The following MTSS1 variants were observed in gnomAD, a reference collection of about 807,000 sequenced individuals.
MTSS1 encodes MTSS I-BAR domain containing 1.
Under a neutral mutation model 79.0 loss-of-function variants are expected in MTSS1, and 18 were observed. That is an observed-to-expected ratio of 0.23 (90% CI 0.16 to 0.34). The LOEUF (loss-of-function observed/expected upper bound fraction) is 0.34, where lower values mean the gene tolerates loss of function less well. Ranked by LOEUF, MTSS1 falls within the 10% of genes least tolerant of loss-of-function variation. MTSS1 has a pLI of 1.00. For synonymous variants in MTSS1, 341 were observed against 368.6 expected, an observed-to-expected ratio of 0.93 and a Z score of 0.86; for missense variants, 815 against 986.2, an observed-to-expected ratio of 0.83 and a Z score of 2.33.
At chr8:124,669,744 G>A (rs1308990148) in intron 3 of MTSS1, among the ~76,000 whole-genome samples, 1 of 152,118 alleles carries the variant, frequency 6.6e-6, no homozygotes, top group Non-Finnish European at 1.5e-5. Context: ...GGTTTCATTT[G>A]GCTAAGCAAA....
chr8:124,711,393 G>C (rs1164126923), intron 1 of MTSS1, among the ~76,000 whole-genome samples: 2 of 152,230 alleles, frequency 1.3e-5, no homozygotes, highest in African/African-American at 4.8e-5. Flanking sequence ...GATGCCCAGA[G>C]AGGTTGGAGC....
chr8:124,685,501 C>T (rs1381631413), intron 3 of MTSS1, among the ~76,000 whole-genome samples: 1 of 152,158 alleles, frequency 6.6e-6, no homozygotes, highest in Middle Eastern at 3.2e-3. Flanking sequence ...TCCTAAGCCC[C>T]TCAAGGAGGA....
chr8:124,698,137 T>C (rs574741641), intron 3 of MTSS1: 1 of 152,368 alleles, frequency 6.6e-6, no homozygotes, highest in East Asian at 1.9e-4. Flanking sequence ...GGTCCCATGA[T>C]AGTGCCTGAA....
At chr8:124,663,512 C>G (rs1822484646) in intron 3 of MTSS1, among the ~76,000 whole-genome samples, 1 of 151,964 alleles carries the variant, frequency 6.6e-6, no homozygotes. Flanking sequence ...CCCGCCCAAT[C>G]CATGCTCCCA....
At chr8:124,591,093 T>C (rs552304577) in intron 4 of MTSS1, 58 bp downstream of exon 4, 1 of 1,426,504 alleles carries the variant, frequency 7.0e-7, no homozygotes, top group Non-Finnish European at 9.9e-7. Context: ...ACATGACTGC[T>C]TCCTTAACCT....
chr8:124,671,405 T>C (rs920894815), intron 3 of MTSS1, among the ~76,000 whole-genome samples: 2 of 152,104 alleles, frequency 1.3e-5, no homozygotes, highest in African/African-American at 4.8e-5. Flanking sequence ...CCTCCCTCTT[T>C]CCACCCACTT....
intron 3 of MTSS1, among the ~76,000 whole-genome samples, chr8:124,694,325 A>G (rs1828453480): frequency 6.6e-6 from 1 of 151,878 alleles, no homozygotes; most frequent in Non-Finnish European, 1.5e-5. Flanking sequence ...TGTGACTCTC[A>G]TTTTCATCTG....
intron 3 of MTSS1, among the ~76,000 whole-genome samples, chr8:124,625,507 C>A (rs1015623359): frequency 6.6e-6 from 1 of 152,180 alleles, no homozygotes; most frequent in African/African-American, 2.4e-5. Context: ...GACAGACCAG[C>A]ATTTTCGGAC....
At chr8:124,642,899 G>A (rs1211156188) in intron 3 of MTSS1, among the ~76,000 whole-genome samples, 1 of 151,984 alleles carries the variant, frequency 6.6e-6, no homozygotes, top group Non-Finnish European at 1.5e-5. Context: ...GGCTCTTCTG[G>A]GTTCTTAAGC....
chr8:124,619,929 C>CTGTTTT (rs1480499162), intron 3 of MTSS1, among the ~76,000 whole-genome samples: 21 of 133,370 alleles, frequency 1.6e-4, no homozygotes, highest in African/African-American at 7.3e-4. Flanking sequence ...TACAGCACAA[C>CTGTTTT]TGTTTTTCTT....
chr8:124,689,520 CG>C (rs1425521828), intron 3 of MTSS1, among the ~76,000 whole-genome samples: 2 of 151,434 alleles, frequency 1.3e-5, no homozygotes, highest in Non-Finnish European at 2.9e-5. Context: ...CTGAGGCAGG[CG>C]GATCACCTGA....
chr8:124,577,655 A>AT (rs765103684), intron 6 of MTSS1: 1 of 518,238 alleles, frequency 1.9e-6, no homozygotes, highest in Non-Finnish European at 3.9e-6. Context: ...ACCCAGACAG[A>AT]AGGGGTCTGG....
At chr8:124,609,396 A>G (rs909696053) in intron 3 of MTSS1, among the ~76,000 whole-genome samples, 6 of 152,260 alleles carry the variant, frequency 3.9e-5, no homozygotes, top group African/African-American at 1.4e-4. Context: ...GTGGCTCGAC[A>G]GCAGAAGAGT....
intron 3 of MTSS1, among the ~76,000 whole-genome samples, chr8:124,681,473 A>C (rs1332122449): frequency 1.3e-5 from 2 of 152,222 alleles, no homozygotes; most frequent in African/African-American, 4.8e-5. Context: ...TGTTTAGTTT[A>C]AATCAACAGT....
At chr8:124,696,058 G>A (rs1312302747) in intron 3 of MTSS1, among the ~76,000 whole-genome samples, 1 of 151,988 alleles carries the variant, frequency 6.6e-6, no homozygotes, top group African/African-American at 2.4e-5. Flanking sequence ...CGCAATCTCA[G>A]CTCACTGCAA....
intron 1 of MTSS1, among the ~76,000 whole-genome samples, chr8:124,710,717 C>T (rs759690442): frequency 2.0e-5 from 3 of 152,204 alleles, no homozygotes; most frequent in African/African-American, 4.8e-5. Context: ...GGCTGGTGAC[C>T]GGTGCTCCAT....
intron 6 of MTSS1, among the ~76,000 whole-genome samples, chr8:124,581,529 C>T (rs1016071836): frequency 3.3e-5 from 5 of 151,300 alleles, no homozygotes; most frequent in Non-Finnish European, 7.4e-5. Context: ...AATCTTGGCT[C>T]ATTGCAACCT....
intron 3 of MTSS1, among the ~76,000 whole-genome samples, chr8:124,671,716 T>G (rs1824252897): frequency 6.6e-6 from 1 of 152,186 alleles, no homozygotes; most frequent in Non-Finnish European, 1.5e-5. Flanking sequence ...GACTTCATCT[T>G]GACAACAGAA....
Position 124,591,145 on chromosome 8 carries a change from C to T in MTSS1, c.293+6G>A. 1 of 1,613,962 alleles carries T rather than the reference C, an allele frequency of 6.2e-7. No individual in the cohort carries two copies. Among genetic ancestry groups the T allele is most frequent in the South Asian group, 1.1e-5 (1 of 91,054 alleles). On this transcript the variant is annotated splice_donor_region_variant and intron_variant, in intron 4 of 13. Coordinates refer to ENST00000518547, the MANE Select transcript of MTSS1 (RefSeq NM_014751.6). ...TTGGCGATCGGGGCCAAAACATGCTCCTCACCTCGAAAACTGCCTCAGCTT... is the reference window on the plus strand; with the variant it reads ...TTGGCGATCGGGGCCAAAACATGCTTCTCACCTCGAAAACTGCCTCAGCTT...
Sources: allele counts gnomAD v4.1 joint callset (sites outside exome capture counted in the v4.1 genomes callset), GRCh38; gene constraint gnomAD v4.1.1; transcripts MANE v1.5; gene names NCBI Gene and HGNC (gene_info 2026-07-23, HGNC 2026-07-21).